ZAN: variants seen among roughly 807,000 people sequenced by gnomAD.
The protein encoded by ZAN is zonadhesin (gene/pseudogene).
Under a neutral mutation model 286.2 loss-of-function variants are expected in ZAN, and 260 were observed. That is an observed-to-expected ratio of 0.91 (90% CI 0.82 to 1.01). The LOEUF (loss-of-function observed/expected upper bound fraction) is 1.01. Among genes scored for constraint, ZAN ranks in the 50% least tolerant of loss-of-function variants. The pLI is 0.00. For missense variants in ZAN, 3,410 were observed against 3,639.2 expected (o/e 0.94, Z 1.62); for synonymous variants, 1,368 against 1,417.5 (o/e 0.97, Z 0.79).
Position 100,791,869 on chromosome 7 carries a change from A to G in ZAN, c.7530-97A>G. 4 of 1,408,496 alleles carry G rather than the reference A, an allele frequency of 2.8e-6. No homozygotes were observed. In the South Asian group the frequency reaches 5.9e-5, roughly 21 times the overall value. 87.2% of individuals were successfully genotyped at this position (1,408,496 alleles called of 1,614,324 possible). Reference sequence around the variant, plus strand: ...CAGCCTCCCGGGTAGCTGGGACTCCAGGCAGCCACCACCATGCCCGGCTAA... The same window carrying G: ...CAGCCTCCCGGGTAGCTGGGACTCCGGGCAGCCACCACCATGCCCGGCTAA... On this transcript the variant is annotated intron_variant, in intron 40 of 47. Transcript: ENST00000613979.
At position 100,734,054 on chromosome 7, in the gene ZAN, T is replaced by C; in HGVS notation, c.-115T>C. On this transcript the variant is annotated 5_prime_UTR_variant, in exon 2 of 48. Coordinates refer to ENST00000613979, the MANE Select transcript of ZAN (RefSeq NM_003386.3). ...CTTTTCTGTGTTTCTCTGTTCATTC[T>C]TCATGGCATCCTTGGAAGGATGCCA... The C allele has an allele frequency of 1.6e-6, 1 of 641,368 alleles. No individual in the cohort carries two copies. Among genetic ancestry groups the C allele is most frequent in the Non-Finnish European group, 2.8e-6 (1 of 362,218 alleles). The allele number at this position is 641,368 out of a possible 1,614,324, so 39.7% of individuals were successfully genotyped here. A position where few individuals can be genotyped will look rare whatever the true frequency, so the allele number is the denominator to read the frequency against.
At chr7:100,768,982 G>A (rs1165126382) in intron 27 of ZAN, among the ~76,000 whole-genome samples, 1 of 152,180 alleles carries the variant, frequency 6.6e-6, no homozygotes, top group Non-Finnish European at 1.5e-5. Context: ...AGTTCACCCT[G>A]AGGTCTAGCC....
At chr7:100,738,991 CCTTCTCCTT>C (rs1807550548) in intron 7 of ZAN, among the ~76,000 whole-genome samples, 1 of 41,694 alleles carries the variant, frequency 2.4e-5, no homozygotes, top group Non-Finnish European at 5.6e-5. Flanking sequence ...CTCTCCCTCT[CCTTCTCCTT>C]CTCCTTCTTC....
chr7:100,764,168 G>A lies in ZAN; in HGVS notation c.4239G>A (p.Val1413=). 6.3e-7 allele frequency: 1 copy of A among 1,596,940 alleles called. No individual in the cohort carries two copies. Among genetic ancestry groups the A allele is most frequent in the Non-Finnish European group, 8.5e-7 (1 of 1,172,426 alleles). ...CCTGCCAGGACGCAGGCCACGCTGT[G>A]AAGCCCTGGAGGGAACCCCACTTCT... ...TTTCQDAGHA[V]KPWREPHFCP... Residue 1413 remains valine (V), a synonymous_variant, in exon 22 of 48, where the codon GTG becomes GTA. Transcript: ENST00000613979.
chr7:100,765,397 C>T lies in ZAN; in HGVS notation c.4313C>T (p.Pro1438Leu), dbSNP rs776586036. The T allele has an allele frequency of 6.2e-7, 1 of 1,614,008 alleles. No individual in the cohort carries two copies. Among genetic ancestry groups the T allele is most frequent in the Non-Finnish European group, 8.5e-7 (1 of 1,179,898 alleles). ...PNSKYSLCAKPCPDTCHSGFS... is the reference protein window; with the variant it reads ...PNSKYSLCAKLCPDTCHSGFS... ...AGCAAGTACTCCCTGTGTGCGAAGC[C>T]ATGCCCTGACACCTGCCATTCAGGA... The change falls in exon 23 of 48, where the codon CCA becomes CTA. Residue 1438 changes from proline (P) to leucine (L), a missense_variant. Physicochemically the swap from Pro to Leu is moderately conservative, Grantham distance 98. Coordinates refer to ENST00000613979, the MANE Select transcript of ZAN (RefSeq NM_003386.3).
Position 100,773,424 on chromosome 7 carries a change from C to T in ZAN, c.5565C>T (p.Ile1855=). ...AESCECQKGH[I]LSGTSCVPLG... is the part of the protein sequence containing the mutation. ...GCTGTGAATGTCAGAAAGGCCACATCTTGAGTGGAACCTCCTGCGTGCCCC... is the reference window on the plus strand; with the variant it reads ...GCTGTGAATGTCAGAAAGGCCACATTTTGAGTGGAACCTCCTGCGTGCCCC... Residue 1855 remains isoleucine (I), a synonymous_variant, in exon 30 of 48, where the codon ATC becomes ATT. Coordinates refer to ENST00000613979, the MANE Select transcript of ZAN (RefSeq NM_003386.3). 2 of 1,614,034 alleles carry T rather than the reference C, an allele frequency of 1.2e-6. No homozygotes were observed. The highest frequency in any genetic ancestry group is 1.7e-6 in the Non-Finnish European group (2 of 1,179,910).
chr7:100,782,168 G>A (rs1024758119), intron 35 of ZAN, among the ~76,000 whole-genome samples: 4 of 148,680 alleles, frequency 2.7e-5, no homozygotes, highest in Non-Finnish European at 5.9e-5. Flanking sequence ...AAGTTTTCCA[G>A]TCCTTTTTGT....
chr7:100,773,995 C>A, intron 31 of ZAN, 130 bp downstream of exon 31: 1 of 1,346,092 alleles, frequency 7.4e-7, no homozygotes, highest in Non-Finnish European at 1.0e-6. Context: ...CAACCAAGAG[C>A]TTCTGGTGGG....
chr7:100,795,118 C>A (rs1812267378), intron 44 of ZAN, 78 bp from the exon 45 acceptor site: 6 of 1,507,142 alleles, frequency 4.0e-6, no homozygotes, highest in South Asian at 1.3e-5. Context: ...CCGGGCGTCC[C>A]AGCCCCCAGC....
Position 100,734,112 on chromosome 7 carries a change from C to A in ZAN, c.-57C>A. 2 of 1,190,512 alleles carry A rather than the reference C, an allele frequency of 1.7e-6. No homozygotes were observed. The highest frequency in any genetic ancestry group is 2.4e-6 in the Non-Finnish European group (2 of 829,932). The allele number at this position is 1,190,512 out of a possible 1,614,324, so 73.7% of individuals were successfully genotyped here. A position where few individuals can be genotyped will look rare whatever the true frequency, so the allele number is the denominator to read the frequency against. On this transcript the variant is annotated 5_prime_UTR_variant, in exon 2 of 48. Transcript: ENST00000613979. ...GAGGCCAGGGGGGAATAAAAGGAGTCCAGGCTCCCAACTGTGCCCTTCCCC... is the reference window on the plus strand; with the variant it reads ...GAGGCCAGGGGGGAATAAAAGGAGTACAGGCTCCCAACTGTGCCCTTCCCC...
At chr7:100,747,770 C>A in intron 9 of ZAN, 129 bp downstream of exon 9, 1 of 908,148 alleles carries the variant, frequency 1.1e-6, no homozygotes, top group Non-Finnish European at 1.7e-6. Context: ...GAGGGAGGAT[C>A]GCTTCAGGAC....
At chr7:100,743,183 CCA>C (rs1365516524) in intron 7 of ZAN, among the ~76,000 whole-genome samples, 1 of 151,624 alleles carries the variant, frequency 6.6e-6, no homozygotes, top group African/African-American at 2.4e-5. Flanking sequence ...GTCACCATGC[CCA>C]GTTAATTTTT....
At position 100,791,167 on chromosome 7, in the gene ZAN, C is replaced by T. The variant is rs564121149; in HGVS notation, c.7529+54C>T. The T allele has an allele frequency of 1.3e-4, 206 of 1,565,682 alleles. No individual in the cohort carries two copies. The South Asian group carries it at 1.6e-3, about 12-fold the overall frequency. On this transcript the variant is annotated intron_variant, in intron 40 of 47. Coordinates refer to ENST00000613979, the MANE Select transcript of ZAN (RefSeq NM_003386.3). ...GGAGGTGAACAACAATGTCTGTGCACGGTGGCCGCTAGCCCTCCTGTCCTC... is the reference window on the plus strand; with the variant it reads ...GGAGGTGAACAACAATGTCTGTGCATGGTGGCCGCTAGCCCTCCTGTCCTC...
intron 22 of ZAN, among the ~76,000 whole-genome samples, chr7:100,764,420 G>C (rs1280896840): frequency 6.6e-6 from 1 of 152,182 alleles, no homozygotes; most frequent in East Asian, 1.9e-4. Context: ...GCTTGAACCC[G>C]GGAGGCAGAG....
intron 29 of ZAN, among the ~76,000 whole-genome samples, chr7:100,772,617 C>T (rs905253914): frequency 2.0e-5 from 3 of 151,450 alleles, no homozygotes; most frequent in African/African-American, 2.4e-5. Context: ...GTCAGGAGAT[C>T]GAGACCATCC....
intron 31 of ZAN, 143 bp downstream of exon 31, chr7:100,774,008 A>G: frequency 7.8e-7 from 1 of 1,277,018 alleles, no homozygotes. Context: ...CTGGTGGGTA[A>G]GATGACCTCC....
intron 44 of ZAN, 62 bp downstream of exon 44, chr7:100,794,320 G>A (rs1339814682): frequency 2.0e-6 from 3 of 1,529,340 alleles, no homozygotes; most frequent in Non-Finnish European, 2.6e-6. Flanking sequence ...CATGGACCAA[G>A]GATCGTCCCC....
intron 11 of ZAN, among the ~76,000 whole-genome samples, chr7:100,750,099 C>CAT (rs996745393): frequency 4.7e-5 from 7 of 147,858 alleles, no homozygotes; most frequent in African/African-American, 1.5e-4. Flanking sequence ...CACACACACA[C>CAT]GACATTAATG....
rs755705813 is a variant in ZAN, at chr7:100,758,268, G to C, written c.3376G>C (p.Glu1126Gln). The change falls in exon 16 of 48, where the codon GAG becomes CAG. Residue 1126 changes from glutamate (E) to glutamine (Q), a missense_variant. Transcript: ENST00000613979. ...CCGCTGCTGGCCCGGCAGTCGGGTC[G>C]AGTGCCAGATCTCTCAGTGTGGGAC... ...HCRCWPGSRV[E>Q]CQISQCGTHT... 2 of 1,613,394 alleles carry C rather than the reference G, an allele frequency of 1.2e-6. No individual in the cohort carries two copies. The highest frequency in any genetic ancestry group is 2.7e-5 in the African/African-American group (2 of 75,034).
Sources: gnomAD v4.1 joint callset for allele counts (sites outside exome capture counted in the v4.1 genomes callset) on GRCh38, gnomAD v4.1.1 for gene constraint, MANE v1.5 for transcripts, NCBI Gene and HGNC (gene_info 2026-07-23, HGNC 2026-07-21) for gene names.